ZBTB16: variants seen among roughly 807,000 people sequenced by gnomAD.
ZBTB16 encodes zinc finger and BTB domain-containing protein 16.
Under a neutral mutation model 56.8 loss-of-function variants are expected in ZBTB16, and 8 were observed. That is an observed-to-expected ratio of 0.14 (90% CI 0.08 to 0.25). ZBTB16 has a LOEUF of 0.25. Among genes scored for constraint, ZBTB16 ranks in the 10% least tolerant of loss-of-function variants. The probability of loss-of-function intolerance (pLI) is 1.00; values close to 1 mark genes in which losing one functional copy is unlikely to be tolerated. For synonymous variants in ZBTB16, 363 were observed against 368.5 expected (o/e 0.98, Z 0.17); for missense variants, 625 against 903.0 (o/e 0.69, Z 3.95).
At chr11:114,114,568 T>G (rs1043437109) in intron 2 of ZBTB16, among the ~76,000 whole-genome samples, 1 of 152,200 alleles carries the variant, frequency 6.6e-6, no homozygotes, top group African/African-American at 2.4e-5. Context: ...AGAACATACT[T>G]TTCATTATAT....
intron 4 of ZBTB16, among the ~76,000 whole-genome samples, chr11:114,193,181 C>A (rs554884071): frequency 1.4e-3 from 216 of 152,266 alleles, no homozygotes; most frequent in African/African-American, 5.1e-3. Flanking sequence ...TACCGAGTGC[C>A]CCCTGCTGAT....
chr11:114,221,642 G>A (rs2135151964), intron 4 of ZBTB16, among the ~76,000 whole-genome samples: 1 of 152,234 alleles, frequency 6.6e-6, no homozygotes, highest in South Asian at 2.1e-4. Context: ...GGCTGCCAGA[G>A]TGGCTGAGTT....
chr11:114,170,656 A>T (rs1485091234), intron 3 of ZBTB16, among the ~76,000 whole-genome samples: 2 of 151,796 alleles, frequency 1.3e-5, no homozygotes, highest in Non-Finnish European at 2.9e-5. Context: ...TAAAGTTTTC[A>T]TTAGGTAGTT....
intron 2 of ZBTB16, among the ~76,000 whole-genome samples, chr11:114,134,600 A>G (rs999576860): frequency 6.6e-6 from 1 of 152,216 alleles, no homozygotes; most frequent in Non-Finnish European, 1.5e-5. Flanking sequence ...ATTAATTAGC[A>G]CAGTTGAAGT....
chr11:114,182,052 GTTA>G (rs1269889746), intron 3 of ZBTB16, among the ~76,000 whole-genome samples: 1 of 151,918 alleles, frequency 6.6e-6, no homozygotes, highest in Non-Finnish European at 1.5e-5. Context: ...CTTTGTTGTT[GTTA>G]TTGTTGTTGT....
At chr11:114,170,621 AG>A (rs1942933999) in intron 3 of ZBTB16, among the ~76,000 whole-genome samples, 2 of 151,092 alleles carry the variant, frequency 1.3e-5, no homozygotes, top group African/African-American at 4.9e-5. Context: ...GCCTGGGACA[AG>A]GGGAAAAAAA....
At chr11:114,135,467 G>A (rs766392792) in intron 2 of ZBTB16, among the ~76,000 whole-genome samples, 5 of 152,138 alleles carry the variant, frequency 3.3e-5, no homozygotes, top group Non-Finnish European at 5.9e-5. Flanking sequence ...TAACCTCAAC[G>A]GTCTTTAAAT....
At chr11:114,148,445 C>CTTTCTTTCTTTCTTTCTTTCTT (rs1555143959) in intron 2 of ZBTB16, among the ~76,000 whole-genome samples, 1 of 56,874 alleles carries the variant, frequency 1.8e-5, no homozygotes, top group Admixed American at 2.1e-4. Flanking sequence ...CTTTCTCTCT[C>CTTTCTTTCTTTCTTTCTTTCTT]TCTGTCTGTC....
rs115766453 is a variant in ZBTB16 at position 114,196,783 on chromosome 11, T to C, written c.1453+9745T>C. Among the ~76,000 whole-genome samples, 643 of 129,772 alleles carry C rather than the reference T, an allele frequency of 5.0e-3. 5 individuals are homozygous for C. The highest frequency in any genetic ancestry group is 0.02 in the African/African-American group (615 of 31,530). The allele number at this position is 129,772 out of a possible 152,430, so 85.1% of individuals were successfully genotyped here. On this transcript the variant is annotated intron_variant, in intron 4 of 6. Coordinates refer to ENST00000335953, the MANE Select transcript of ZBTB16 (RefSeq NM_006006.6). ...CTTGCCTTAGGTACAGATAATTCAA[T>C]AGCTGTACTCTTTTGGATACTTTTG...
At chr11:114,089,503 A>G (rs1183493677) in intron 2 of ZBTB16, among the ~76,000 whole-genome samples, 3 of 152,144 alleles carry the variant, frequency 2.0e-5, no homozygotes, top group Non-Finnish European at 2.9e-5. Context: ...AGCACAGCGC[A>G]ATGATCCACG....
chr11:114,249,697 G>A (rs1944882890), intron 6 of ZBTB16, among the ~76,000 whole-genome samples: 2 of 141,740 alleles, frequency 1.4e-5, no homozygotes, highest in African/African-American at 2.7e-5. Context: ...CCCGGGAAGC[G>A]GAGCTTGCAG....
At chr11:114,104,654 G>T (rs1940727584) in intron 2 of ZBTB16, among the ~76,000 whole-genome samples, 1 of 152,156 alleles carries the variant, frequency 6.6e-6, no homozygotes, top group Non-Finnish European at 1.5e-5. Flanking sequence ...GAGATCCTGT[G>T]GCCTGGGAAC....
In ZBTB16 at chr11:114,205,148, G is replaced by T. The variant is rs554823883; in HGVS notation, c.1453+18110G>T. ...ATTTCGGCCGGGCGCGGTGGCTTAT[G>T]CCTGTAATCCCAGCACTTTGGGAGG... On this transcript the variant is annotated intron_variant, in intron 4 of 6. Transcript: ENST00000335953. Among the ~76,000 whole-genome samples, 11 of 152,246 alleles carry T rather than the reference G, an allele frequency of 7.2e-5. No individual in the cohort carries two copies. In the South Asian group the frequency reaches 2.3e-3, roughly 32 times the overall value.
chr11:114,133,325 G>A lies in ZBTB16; in HGVS notation c.1269-23012G>A, dbSNP rs57296243. 4.3e-3 allele frequency among the ~76,000 whole-genome samples: 651 copies of A among 152,196 alleles called. 11 individuals carry two copies. The highest frequency in any genetic ancestry group is 0.015 in the African/African-American group (605 of 41,526). On this transcript the variant is annotated intron_variant, in intron 2 of 6. Transcript: ENST00000335953. ...CCCTGGCACCTTGTGGTGCTGGTCA[G>A]CCCCAGCAGGGCCTGCTGGCAGAGT...
At chr11:114,164,042 A>G (rs1942673481) in intron 3 of ZBTB16, among the ~76,000 whole-genome samples, 1 of 152,084 alleles carries the variant, frequency 6.6e-6, no homozygotes, top group South Asian at 2.1e-4. Context: ...TTATTTTTGT[A>G]TGCAAGACAA....
chr11:114,112,279 A>G (rs548327855), intron 2 of ZBTB16, among the ~76,000 whole-genome samples: 23 of 152,188 alleles, frequency 1.5e-4, no homozygotes, highest in Non-Finnish European at 2.5e-4. Flanking sequence ...GGTTCCTTTC[A>G]TCACAGAACA....
Position 114,253,536 on chromosome 11 carries a change from A to G in ZBTB16, c.*2981A>G, listed in dbSNP as rs1565712603. The stretch of plus-strand genomic sequence containing the variant: ...ATTGTCGTAATCTGGTGTTGCAGCA[A>G]TGGATGGTACTAAATCAGCACCTGG... On this transcript the variant is annotated 3_prime_UTR_variant, in exon 7 of 7. Transcript: ENST00000335953. Among the ~76,000 whole-genome samples the G allele has an allele frequency of 1.3e-5, 2 of 152,154 alleles. No individual in the cohort carries two copies. The highest frequency in any genetic ancestry group is 2.9e-5 in the Non-Finnish European group (2 of 68,036).
chr11:114,240,785 G>A (rs1944686480), intron 4 of ZBTB16, among the ~76,000 whole-genome samples: 2 of 152,278 alleles, frequency 1.3e-5, no homozygotes, highest in Admixed American at 6.5e-5. Context: ...CTGTATGTGT[G>A]GGGTACTTTG....
chr11:114,063,173 C>G lies in ZBTB16; in HGVS notation c.-90-38C>G. The stretch of plus-strand genomic sequence containing the variant: ...CACTGATGAATTTGTCTTTTGTTCT[C>G]TCATCTCTTTTGCTTCTTCCCCTCT... On this transcript the variant is annotated intron_variant, in intron 1 of 6. Transcript: ENST00000335953. This position sits in a 1 kb window ranked among gnomAD's most constrained non-coding sequence, Gnocchi z 6.5. 9.6e-7 allele frequency: 1 copy of G among 1,038,632 alleles called. No homozygotes were observed. Among genetic ancestry groups the G allele is most frequent in the East Asian group, 2.6e-5 (1 of 38,582 alleles). The allele number at this position is 1,038,632 out of a possible 1,614,324, so 64.3% of individuals were successfully genotyped here. A position where few individuals can be genotyped will look rare whatever the true frequency, so the allele number is the denominator to read the frequency against.
Sources: gnomAD v4.1 joint callset for allele counts (sites outside exome capture counted in the v4.1 genomes callset) on GRCh38, gnomAD v4.1.1 for gene constraint, Gnocchi (gnomAD v3.1) non-coding constraint, MANE v1.5 for transcripts, NCBI Gene and HGNC (gene_info 2026-07-23, HGNC 2026-07-21) for gene names.